Variants in CHRM2 observed in about 807,000 individuals in gnomAD.
CHRM2 encodes cholinergic receptor muscarinic 2.
CHRM2 carries 8 observed loss-of-function variants against 25.0 expected under a neutral mutation model. That is an observed-to-expected ratio of 0.32 (90% confidence interval 0.19 to 0.58). The LOEUF is 0.58. CHRM2 is among the 20% of genes least tolerant of loss of function. The pLI is 0.88. For missense variants in CHRM2, 440 were observed against 567.1 expected, an observed-to-expected ratio of 0.78 and a Z score of 2.28; for synonymous variants, 202 against 205.7, an observed-to-expected ratio of 0.98 and a Z score of 0.15.
intron 2 of CHRM2, among the ~76,000 whole-genome samples, chr7:136,971,476 G>T (rs1340506264): frequency 6.6e-6 from 1 of 152,202 alleles, no homozygotes; most frequent in East Asian, 1.9e-4. Context: ...AATTAGCCAG[G>T]TGTGGTGGCG....
chr7:136,903,156 C>G (rs751874705), intron 2 of CHRM2: 1 of 534,062 alleles, frequency 1.9e-6, no homozygotes, highest in East Asian at 5.5e-5. Flanking sequence ...AGAGGATCTC[C>G]CTTCACTTTA....
At chr7:136,934,820 T>C (rs11982108) in intron 2 of CHRM2, among the ~76,000 whole-genome samples, 36,498 of 150,552 alleles carry the variant, frequency 0.24, 5,694 homozygotes, top group Non-Finnish European at 0.35. Context: ...AAGATTAATA[T>C]GCAAAAAGAA....
chr7:136,903,512 T>A (rs921258160), intron 2 of CHRM2: 2 of 166,444 alleles, frequency 1.2e-5, no homozygotes, highest in Non-Finnish European at 2.6e-5. Flanking sequence ...TTTAAAAAGC[T>A]GATTAGAAAT....
At chr7:136,928,133 A>G (rs956998174) in intron 2 of CHRM2, among the ~76,000 whole-genome samples, 1 of 152,152 alleles carries the variant, frequency 6.6e-6, no homozygotes, top group East Asian at 1.9e-4. Context: ...CAAGAAAAAG[A>G]AGCAGAGGAA....
chr7:137,019,488 A>C lies in CHRM2; in HGVS notation c.*3222A>C, dbSNP rs1184880306. The C allele has an allele frequency of 6.6e-6, 1 of 151,850 alleles. No individual in the cohort carries two copies. The highest frequency in any genetic ancestry group is 1.9e-4 in the East Asian group (1 of 5,134). The allele number at this position is 151,850 out of a possible 1,614,324, so 9.4% of individuals were successfully genotyped here. A position where few individuals can be genotyped will look rare whatever the true frequency, so the allele number is the denominator to read the frequency against. Reference sequence around the variant, plus strand: ...TACTGGAGCTGCAATTTTTCCTTTCAAAAAATATTAAGAGCCTCTTTCAGA... The same window carrying C: ...TACTGGAGCTGCAATTTTTCCTTTCCAAAAATATTAAGAGCCTCTTTCAGA... On this transcript the variant is annotated 3_prime_UTR_variant, in exon 4 of 4. Coordinates refer to ENST00000680005, the MANE Select transcript of CHRM2 (RefSeq NM_001006630.2).
chr7:137,006,632 GT>G (rs1804446292), intron 3 of CHRM2, among the ~76,000 whole-genome samples: 2 of 151,898 alleles, frequency 1.3e-5, no homozygotes, highest in Non-Finnish European at 2.9e-5. Context: ...CTTTCATTCT[GT>G]TCTATAATTT....
Position 137,015,937 on chromosome 7 carries a change from CA to C in CHRM2, c.1073del (p.Gln358ArgfsTer4), listed in dbSNP as rs1305831264. On this transcript the variant is annotated frameshift_variant, in exon 4 of 4. Coordinates refer to ENST00000680005, the MANE Select transcript of CHRM2 (RefSeq NM_001006630.2). LOFTEE classifies it high-confidence loss of function. The surrounding 1 kb of genome is among the most constrained non-coding windows in gnomAD (Gnocchi z 5.1). ...GSSGQNGDEK[Q>X]NIVARKIVKM... is the part of the protein sequence containing the mutation. ...TTCAGGTCAGAATGGAGATGAAAAGCAGAATATTGTAGCCCGCAAGATTGTG... is the reference window on the plus strand; with the variant it reads ...TTCAGGTCAGAATGGAGATGAAAAGCGAATATTGTAGCCCGCAAGATTGTG... 6.2e-7 allele frequency: 1 copy of C among 1,613,074 alleles called. No homozygotes were observed. Among genetic ancestry groups the C allele is most frequent in the South Asian group, 1.1e-5 (1 of 91,058 alleles).
chr7:136,963,872 C>T (rs1801248567), intron 2 of CHRM2, among the ~76,000 whole-genome samples: 2 of 152,250 alleles, frequency 1.3e-5, no homozygotes, highest in South Asian at 4.2e-4. Context: ...GCAAAGGTTT[C>T]TCAAAGGTTT....
chr7:136,951,945 G>A (rs994949485), intron 2 of CHRM2, among the ~76,000 whole-genome samples: 1 of 152,106 alleles, frequency 6.6e-6, no homozygotes, highest in African/African-American at 2.4e-5. Context: ...TTCAGATTGA[G>A]GAGAAAATAG....
chr7:136,976,503 G>C (rs1268350712), intron 2 of CHRM2, among the ~76,000 whole-genome samples: 1 of 152,106 alleles, frequency 6.6e-6, no homozygotes, highest in Non-Finnish European at 1.5e-5. Context: ...AAGTGGCTAA[G>C]ATACTTGTGC....
chr7:136,952,860 T>C (rs939857747), intron 2 of CHRM2, among the ~76,000 whole-genome samples: 3 of 152,182 alleles, frequency 2.0e-5, no homozygotes, highest in African/African-American at 7.2e-5. Flanking sequence ...CTAAGGATAA[T>C]GGCCTCTAGT....
At chr7:136,924,318 C>T (rs924157618) in intron 2 of CHRM2, among the ~76,000 whole-genome samples, 2 of 151,122 alleles carry the variant, frequency 1.3e-5, no homozygotes, top group African/African-American at 2.4e-5. Context: ...CCCAGTAACT[C>T]GTCATTTAAC....
chr7:136,875,701 C>A (rs1796027377), intron 2 of CHRM2, among the ~76,000 whole-genome samples: 1 of 152,116 alleles, frequency 6.6e-6, no homozygotes, highest in East Asian at 1.9e-4. Flanking sequence ...CTAGGATAAA[C>A]CCTGAGATCA....
intron 2 of CHRM2, among the ~76,000 whole-genome samples, chr7:136,962,414 T>C (rs1801153613): frequency 6.6e-6 from 1 of 152,084 alleles, no homozygotes. Context: ...GGATTACAGG[T>C]GTAAGCCACT....
chr7:136,918,589 T>C (rs573953604), intron 2 of CHRM2, among the ~76,000 whole-genome samples: 206 of 152,118 alleles, frequency 1.4e-3, no homozygotes, highest in Non-Finnish European at 2.5e-3. Flanking sequence ...AAATATTTAT[T>C]TATTTACTTA....
chr7:136,988,282 A>G (rs1802989604), intron 2 of CHRM2, among the ~76,000 whole-genome samples: 1 of 151,970 alleles, frequency 6.6e-6, no homozygotes, highest in Non-Finnish European at 1.5e-5. Flanking sequence ...AGAAGAGGAA[A>G]AAAGGAGTGG....
chr7:136,994,551 A>C (rs1803461345), intron 3 of CHRM2, among the ~76,000 whole-genome samples: 1 of 54,938 alleles, frequency 1.8e-5, no homozygotes, highest in African/African-American at 8.4e-5. Flanking sequence ...TTTTTTTGAG[A>C]CGGAGTTTCG....
intron 2 of CHRM2, among the ~76,000 whole-genome samples, chr7:136,989,953 A>G (rs1803108161): frequency 6.6e-6 from 1 of 152,106 alleles, no homozygotes; most frequent in Non-Finnish European, 1.5e-5. Context: ...CACCTCTCCC[A>G]GACTCAATTT....
At chr7:136,929,070 G>T (rs892965932) in intron 2 of CHRM2, among the ~76,000 whole-genome samples, 6 of 151,994 alleles carry the variant, frequency 3.9e-5, no homozygotes, top group Non-Finnish European at 8.8e-5. Flanking sequence ...GACGATATGC[G>T]ATCACGTGAA....
Sources: allele counts gnomAD v4.1 joint callset (sites outside exome capture counted in the v4.1 genomes callset), GRCh38; gene constraint gnomAD v4.1.1; non-coding constraint Gnocchi (gnomAD v3.1); transcripts MANE v1.5; gene names NCBI Gene and HGNC (gene_info 2026-07-23, HGNC 2026-07-21).